The following LRRC4C variants were observed in gnomAD, a reference collection of about 807,000 sequenced individuals.
The protein encoded by LRRC4C is leucine-rich repeat-containing protein 4C.
In LRRC4C, 5 loss-of-function variants were observed where a neutral mutation model predicts 33.6. That is an observed-to-expected ratio of 0.15 (90% CI 0.08 to 0.31). The LOEUF (loss-of-function observed/expected upper bound fraction) is 0.31, where lower values mean the gene tolerates loss of function less well. Ranked by LOEUF, LRRC4C falls within the 10% of genes least tolerant of loss-of-function variation. LRRC4C has a pLI of 1.00. For synonymous variants in LRRC4C, 329 were observed against 302.0 expected (o/e 1.09, Z -0.93); for missense variants, 560 against 796.7 (o/e 0.70, Z 3.58).
At chr11:40,698,780 A>G (rs7945598) in intron 2 of LRRC4C, among the ~76,000 whole-genome samples, 3,824 of 152,262 alleles carry the variant, frequency 0.025, 134 homozygotes, top group African/African-American at 0.087. Flanking sequence ...TGAAAGGCAC[A>G]TCTTACATTG....
intron 1 of LRRC4C, among the ~76,000 whole-genome samples, chr11:41,236,300 G>A (rs767230200): frequency 6.6e-6 from 1 of 152,022 alleles, no homozygotes; most frequent in Non-Finnish European, 1.5e-5. Context: ...TACCTCTTCA[G>A]GAGGGGTTCA....
At chr11:40,824,305 G>A (rs1331542311) in intron 2 of LRRC4C, among the ~76,000 whole-genome samples, 1 of 151,740 alleles carries the variant, frequency 6.6e-6, no homozygotes, top group Non-Finnish European at 1.5e-5. Flanking sequence ...CCTCACTAAA[G>A]CTGTTAAGAT....
chr11:40,114,762 C>T lies in LRRC4C; in HGVS notation c.1531G>A (p.Asp511Asn), dbSNP rs1228328668. 1 of 1,614,008 alleles carries T rather than the reference C, an allele frequency of 6.2e-7. No homozygotes were observed. The highest frequency in any genetic ancestry group is 8.5e-7 in the Non-Finnish European group (1 of 1,180,022). Residue 511 changes from aspartate (D) to asparagine (N), a missense_variant, in exon 7 of 7, where the codon GAT becomes AAT. This residue lies in a region of LRRC4C where 455 missense variants were observed against 643.8 expected (regional missense o/e 0.71). Coordinates refer to ENST00000528697, the MANE Select transcript of LRRC4C (RefSeq NM_001258419.2). ...TEKTFTIPVT[D>N]INSGIPGIDE... ...ATTCCTGGGATCCCACTGTTTATAT[C>T]AGTCACTGGGATGGTGAAGGTTTTC...
At chr11:40,256,793 G>T (rs1867243773) in intron 4 of LRRC4C, among the ~76,000 whole-genome samples, 1 of 152,252 alleles carries the variant, frequency 6.6e-6, no homozygotes, top group Non-Finnish European at 1.5e-5. Context: ...GCACAAAGAT[G>T]CTAGGCTGAG....
At chr11:40,762,916 G>T (rs1288597989) in intron 2 of LRRC4C, among the ~76,000 whole-genome samples, 1 of 151,596 alleles carries the variant, frequency 6.6e-6, no homozygotes, top group Admixed American at 6.6e-5. Context: ...TGTTTTCATG[G>T]CTATTTAAAT....
chr11:41,299,826 T>C (rs1195823512), intron 1 of LRRC4C, among the ~76,000 whole-genome samples: 1 of 152,152 alleles, frequency 6.6e-6, no homozygotes, highest in Non-Finnish European at 1.5e-5. Context: ...GAAGACTTGA[T>C]AACTATTCAT....
intron 3 of LRRC4C, among the ~76,000 whole-genome samples, chr11:40,371,374 A>G (rs1948441536): frequency 6.6e-6 from 1 of 152,198 alleles, no homozygotes. Flanking sequence ...CATTTTTGAC[A>G]AGTCTATTGG....
At chr11:40,326,963 C>T (rs1406690453) in intron 3 of LRRC4C, among the ~76,000 whole-genome samples, 2 of 152,160 alleles carry the variant, frequency 1.3e-5, no homozygotes, top group Non-Finnish European at 2.9e-5. Flanking sequence ...GAAATGGACA[C>T]AGAAATGTAG....
intron 3 of LRRC4C, among the ~76,000 whole-genome samples, chr11:40,466,831 A>T (rs1173514332): frequency 1.3e-5 from 2 of 152,026 alleles, no homozygotes; most frequent in Non-Finnish European, 2.9e-5. Flanking sequence ...CATACTTCTT[A>T]ATTCCTCCTC....
At chr11:41,233,967 C>CTTTTT (rs34427207) in intron 1 of LRRC4C, among the ~76,000 whole-genome samples, 1 of 140,342 alleles carries the variant, frequency 7.1e-6, no homozygotes, top group African/African-American at 2.6e-5. Flanking sequence ...TCTCCAAAAG[C>CTTTTT]TTTTTTTTTT....
At chr11:40,886,883 A>ATG (rs144561789) in intron 2 of LRRC4C, among the ~76,000 whole-genome samples, 8,336 of 149,074 alleles carry the variant, frequency 0.056, 377 homozygotes, top group African/African-American at 0.12. Flanking sequence ...ATGTTTATAT[A>ATG]TGTGTGTGTG....
chr11:40,540,482 T>G (rs79612256), intron 3 of LRRC4C, among the ~76,000 whole-genome samples: 3,696 of 152,230 alleles, frequency 0.024, 62 homozygotes, highest in Non-Finnish European at 0.036. Flanking sequence ...TCAGGAGTAT[T>G]GTAGATCCTG....
chr11:40,300,511 T>G (rs1463212455), intron 4 of LRRC4C, among the ~76,000 whole-genome samples: 2 of 152,218 alleles, frequency 1.3e-5, no homozygotes, highest in African/African-American at 4.8e-5. Context: ...TTAGATGCCA[T>G]GTACAGATCC....
intron 3 of LRRC4C, among the ~76,000 whole-genome samples, chr11:40,579,262 G>A (rs11035938): frequency 0.29 from 44,557 of 151,428 alleles, 6,636 homozygotes; most frequent in Middle Eastern, 0.39. Flanking sequence ...GAACCCAGAA[G>A]GCAGAGGTTG....
At chr11:41,346,637 T>C (rs1279090542) in intron 1 of LRRC4C, among the ~76,000 whole-genome samples, 1 of 152,150 alleles carries the variant, frequency 6.6e-6, no homozygotes, top group African/African-American at 2.4e-5. Context: ...AATTCTGTAG[T>C]CAAAAAGTCT....
intron 3 of LRRC4C, among the ~76,000 whole-genome samples, chr11:40,366,303 A>G (rs1474946078): frequency 6.6e-6 from 1 of 152,084 alleles, no homozygotes; most frequent in Non-Finnish European, 1.5e-5. Flanking sequence ...ACAATGGCTT[A>G]TTATGTACAA....
chr11:40,175,778 A>T (rs1044162541), intron 5 of LRRC4C, among the ~76,000 whole-genome samples: 4 of 152,046 alleles, frequency 2.6e-5, no homozygotes, highest in African/African-American at 9.7e-5. Flanking sequence ...GCCCTTGATT[A>T]TATACCGTCT....
chr11:40,981,345 C>T (rs1262637011), intron 1 of LRRC4C, among the ~76,000 whole-genome samples: 4 of 151,098 alleles, frequency 2.6e-5, no homozygotes, highest in African/African-American at 4.9e-5. Flanking sequence ...GCCCGGGAGG[C>T]GGAGCTTGCA....
chr11:40,125,707 C>G (rs1565019382), intron 6 of LRRC4C, among the ~76,000 whole-genome samples: 1 of 152,082 alleles, frequency 6.6e-6, no homozygotes, highest in Non-Finnish European at 1.5e-5. Context: ...AGGTCTGAAG[C>G]TCATCCCACA....
Sources: gnomAD v4.1 joint callset for allele counts (sites outside exome capture counted in the v4.1 genomes callset) on GRCh38, gnomAD v4.1.1 for gene constraint, gnomAD v4.1.1 regional missense constraint, MANE v1.5 for transcripts, NCBI Gene and HGNC (gene_info 2026-07-23, HGNC 2026-07-21) for gene names.